Variants in CALML4 observed in about 807,000 individuals in gnomAD.
CALML4 encodes calmodulin like 4.
A neutral mutation model predicts 17.9 loss-of-function variants in CALML4; 16 were observed. That is an observed-to-expected ratio of 0.89 (90% CI 0.61 to 1.36). The LOEUF (loss-of-function observed/expected upper bound fraction) is 1.36, where lower values mean the gene tolerates loss of function less well. CALML4 is among the 40% of genes most tolerant of loss of function. The pLI, the probability that CALML4 is intolerant of heterozygous loss-of-function variation, is 0.00. For synonymous variants in CALML4, 86 were observed against 71.5 expected, an observed-to-expected ratio of 1.20 and a Z score of -1.02; for missense variants, 203 against 194.8, an observed-to-expected ratio of 1.04 and a Z score of -0.25.
At chr15:68,205,532 C>A, upstream of CALML4, 4 of 860,666 alleles carry the variant, frequency 4.6e-6, no homozygotes. This position sits in a 1 kb window ranked among gnomAD's most constrained non-coding sequence, Gnocchi z 4.8. Flanking sequence ...AGCAAAGGGA[C>A]AAATGCCAGT....
intron 2 of CALML4, among the ~76,000 whole-genome samples, chr15:68,201,928 C>T (rs2093166650): frequency 6.6e-6 from 1 of 152,198 alleles, no homozygotes; most frequent in African/African-American, 2.4e-5. Flanking sequence ...CAGGTCGGCC[C>T]TCTAACATAC....
chr15:68,205,316 C>T lies in CALML4; in HGVS notation c.-69G>A, dbSNP rs1025965554. 6.8e-6 allele frequency: 11 copies of T among 1,614,038 alleles called. No homozygotes were observed. The Admixed American group carries it at 1.2e-4, about 17-fold the overall frequency. On this transcript the variant is annotated 5_prime_UTR_variant, in exon 1 of 5. Transcript: ENST00000467889. This position sits in a 1 kb window ranked among gnomAD's most constrained non-coding sequence, Gnocchi z 4.8. ...CCGCGTTCAGTTCCCTTTCCTCCAG[C>T]CTCAAGTCTAAAGTCTGCCAAGCTG...
rs921260732 is a variant in CALML4 at position 68,192,583 on chromosome 15, A to T, written c.*1432T>A. 6.6e-6 allele frequency: 1 copy of T among 152,166 alleles called. No homozygotes were observed. Among genetic ancestry groups the T allele is most frequent in the Non-Finnish European group, 1.5e-5 (1 of 68,028 alleles). 9.4% of individuals were successfully genotyped at this position (152,166 alleles called of 1,614,324 possible). A position where few individuals can be genotyped will look rare whatever the true frequency, so the allele number is the denominator to read the frequency against. Reference sequence around the variant, plus strand: ...TTGCAGTTATGCTTGGGGAAATGAGAGTCTCCTTCCTCAGGGCCTTGTTTG... The same window carrying T: ...TTGCAGTTATGCTTGGGGAAATGAGTGTCTCCTTCCTCAGGGCCTTGTTTG... On this transcript the variant is annotated 3_prime_UTR_variant, in exon 5 of 5. Transcript: ENST00000467889.
intron 2 of CALML4, among the ~76,000 whole-genome samples, chr15:68,203,361 G>T (rs965785175): frequency 1.3e-5 from 2 of 152,194 alleles, no homozygotes; most frequent in Non-Finnish European, 2.9e-5. Flanking sequence ...ATGAATGAAT[G>T]GTCATTAAAC....
chr15:68,197,742 C>T lies in CALML4; in HGVS notation c.176-114G>A. On this transcript the variant is annotated intron_variant, in intron 3 of 4. Coordinates refer to ENST00000467889, the MANE Select transcript of CALML4 (RefSeq NM_033429.3). The surrounding 1 kb of genome is among the most constrained non-coding windows in gnomAD (Gnocchi z 4.1). Reference sequence around the variant, plus strand: ...TTCAAGGTCAACTGACCAGGGAATGCCAGGATGTGGCAGTGGTCACAGTGA... The same window carrying T: ...TTCAAGGTCAACTGACCAGGGAATGTCAGGATGTGGCAGTGGTCACAGTGA... 2.2e-6 allele frequency: 2 copies of T among 917,328 alleles called. No homozygotes were observed. The highest frequency in any genetic ancestry group is 1.7e-6 in the Non-Finnish European group (1 of 603,260). 56.8% of individuals were successfully genotyped at this position (917,328 alleles called of 1,614,324 possible). A position where few individuals can be genotyped will look rare whatever the true frequency, so the allele number is the denominator to read the frequency against.
In CALML4 at chr15:68,193,568, C is replaced by A. The variant is rs2093130079; in HGVS notation, c.*447G>T. On this transcript the variant is annotated 3_prime_UTR_variant, in exon 5 of 5. Transcript: ENST00000467889. ...TTGGAAATATGGAAGATGGTTCTAGCCCCCAAATACAGAATAAGTCTCTTG... is the reference window on the plus strand; with the variant it reads ...TTGGAAATATGGAAGATGGTTCTAGACCCCAAATACAGAATAAGTCTCTTG... The A allele has an allele frequency of 6.5e-6, 1 of 154,636 alleles. No homozygotes were observed. The highest frequency in any genetic ancestry group is 1.4e-5 in the Non-Finnish European group (1 of 69,708). The allele number at this position is 154,636 out of a possible 1,614,324, so 9.6% of individuals were successfully genotyped here.
chr15:68,197,326 G>A lies in CALML4; in HGVS notation c.364+114C>T, dbSNP rs907713521. On this transcript the variant is annotated intron_variant, in intron 4 of 4. Transcript: ENST00000467889. This position sits in a 1 kb window ranked among gnomAD's most constrained non-coding sequence, Gnocchi z 4.1. Reference sequence around the variant, plus strand: ...GGCATCTGCTCACAGTCTCCTGCGCGCGCATCAACAGAGGTGGTCTGTACC... The same window carrying A: ...GGCATCTGCTCACAGTCTCCTGCGCACGCATCAACAGAGGTGGTCTGTACC... 9 of 929,296 alleles carry A rather than the reference G, an allele frequency of 9.7e-6. No individual in the cohort carries two copies. The highest frequency in any genetic ancestry group is 3.3e-5 in the South Asian group (2 of 60,866). 57.6% of individuals were successfully genotyped at this position (929,296 alleles called of 1,614,324 possible). A position where few individuals can be genotyped will look rare whatever the true frequency, so the allele number is the denominator to read the frequency against.
At chr15:68,205,520 G>A (rs575761598), upstream of CALML4, 127 of 951,446 alleles carry the variant, frequency 1.3e-4, 1 homozygote, top group African/African-American at 1.6e-3. This position sits in a 1 kb window ranked among gnomAD's most constrained non-coding sequence, Gnocchi z 4.8. Context: ...TCCAGAAGCC[G>A]AAGCAAAGGG....
chr15:68,198,073 T>A (rs2093152160), intron 3 of CALML4: 1 of 155,508 alleles, frequency 6.4e-6, no homozygotes, highest in South Asian at 2.0e-4. Flanking sequence ...GCTGGGCTGC[T>A]CACCTGCCTT....
intron 2 of CALML4, among the ~76,000 whole-genome samples, chr15:68,203,945 T>C (rs1306819145): frequency 6.6e-6 from 1 of 152,170 alleles, no homozygotes; most frequent in Non-Finnish European, 1.5e-5. Flanking sequence ...GGAGGGTCAG[T>C]GAGCCTCAAA....
chr15:68,198,709 TTTTC>T (rs1171640650), intron 3 of CALML4: 1 of 152,062 alleles, frequency 6.6e-6, no homozygotes, highest in African/African-American at 2.4e-5. Flanking sequence ...CTTGGATGGG[TTTTC>T]TTTCAGCATT....
At chr15:68,205,586 CT>C (rs1294664104), upstream of CALML4, 1 of 604,148 alleles carries the variant, frequency 1.7e-6, no homozygotes, top group Non-Finnish European at 2.9e-6. The surrounding 1 kb of genome is among the most constrained non-coding windows in gnomAD (Gnocchi z 4.8). Flanking sequence ...GGTCTTCTCT[CT>C]CTCTCCTGGG....
Position 68,199,522 on chromosome 15 carries a change from T to C in CALML4, c.175+19A>G. The stretch of plus-strand genomic sequence containing the variant: ...TGCTGGGCCCCTCCCCTCTCCCCGT[T>C]GTTCCCACCACCACTCACCTATCCC... On this transcript the variant is annotated intron_variant, in intron 3 of 4. Coordinates refer to ENST00000467889, the MANE Select transcript of CALML4 (RefSeq NM_033429.3). 1 of 1,601,108 alleles carries C rather than the reference T, an allele frequency of 6.2e-7. No individual in the cohort carries two copies. Among genetic ancestry groups the C allele is most frequent in the Non-Finnish European group, 8.5e-7 (1 of 1,172,856 alleles).
In CALML4 at chr15:68,205,039, C is replaced by T; in HGVS notation, c.34+82G>A. 6.5e-7 allele frequency: 1 copy of T among 1,534,318 alleles called. No homozygotes were observed. The highest frequency in any genetic ancestry group is 9.0e-7 in the Non-Finnish European group (1 of 1,111,250). On this transcript the variant is annotated intron_variant, in intron 2 of 4. Transcript: ENST00000467889. The surrounding 1 kb of genome is among the most constrained non-coding windows in gnomAD (Gnocchi z 4.8). The stretch of plus-strand genomic sequence containing the variant: ...TCTCCCACAGCCACCTTCCTTCCCA[C>T]CAAGAAAACATGAGCAGAGCAAATT...
At chr15:68,198,944 C>A (rs561390084) in intron 3 of CALML4, among the ~76,000 whole-genome samples, 1 of 152,166 alleles carries the variant, frequency 6.6e-6, no homozygotes, top group South Asian at 2.1e-4. Context: ...GGCAGATCAC[C>A]TGAGGTCAGG....
At chr15:68,198,836 G>A (rs1355022717) in intron 3 of CALML4, among the ~76,000 whole-genome samples, 3 of 151,936 alleles carry the variant, frequency 2.0e-5, no homozygotes, top group Non-Finnish European at 2.9e-5. Flanking sequence ...AGAACTTAAT[G>A]GATGTAAACC....
At chr15:68,199,129 G>A (rs1346677250) in intron 3 of CALML4, among the ~76,000 whole-genome samples, 2 of 151,754 alleles carry the variant, frequency 1.3e-5, no homozygotes, top group African/African-American at 4.8e-5. Context: ...ACCACTGCAC[G>A]TCAGCTTCTC....
chr15:68,196,588 GTCCCTGGCCTCGGGCAGA>G (rs2093145478), intron 4 of CALML4, among the ~76,000 whole-genome samples: 1 of 152,200 alleles, frequency 6.6e-6, no homozygotes. Context: ...TAAGGTCGGG[GTCCCTGGCCTCGGGCAGA>G]GGCAGAGCTG....
intron 2 of CALML4, among the ~76,000 whole-genome samples, chr15:68,202,396 A>G (rs1396046747): frequency 6.6e-6 from 1 of 152,238 alleles, no homozygotes; most frequent in Non-Finnish European, 1.5e-5. Flanking sequence ...GCTTGGGCCC[A>G]GGAGTTCGAG....
Sources: gnomAD v4.1 joint callset for allele counts (sites outside exome capture counted in the v4.1 genomes callset) on GRCh38, gnomAD v4.1.1 for gene constraint, Gnocchi (gnomAD v3.1) non-coding constraint, MANE v1.5 for transcripts, NCBI Gene and HGNC (gene_info 2026-07-23, HGNC 2026-07-21) for gene names.